The following LONRF1 variants were observed in gnomAD, a reference collection of about 807,000 sequenced individuals.
LONRF1 encodes LON peptidase N-terminal domain and RING finger protein 1.
LONRF1 carries 37 observed loss-of-function variants against 85.8 expected under a neutral mutation model. That is an observed-to-expected ratio of 0.43 (90% confidence interval 0.33 to 0.57). LONRF1 has a LOEUF of 0.57. Ranked by LOEUF, LONRF1 falls within the 20% of genes least tolerant of loss-of-function variation. The pLI is 0.04. For missense variants in LONRF1, 1,036 were observed against 978.0 expected (o/e 1.06, Z -0.79); for synonymous variants, 517 against 390.1 (o/e 1.33, Z -3.83).
At chr8:12,735,105 C>T (rs570975575) in intron 7 of LONRF1, among the ~76,000 whole-genome samples, 181 bp downstream of exon 7, 1 of 152,140 alleles carries the variant, frequency 6.6e-6, no homozygotes, top group Admixed American at 6.6e-5. Context: ...TTCTCCCCAT[C>T]CTCTTCAACC....
intron 1 of LONRF1, among the ~76,000 whole-genome samples, chr8:12,750,339 G>T (rs1319066905): frequency 6.6e-6 from 1 of 152,192 alleles, no homozygotes; most frequent in African/African-American, 2.4e-5. Context: ...ACCCAAGGGG[G>T]ATACGTTCCA....
chr8:12,741,491 C>T (rs753510399), intron 2 of LONRF1, among the ~76,000 whole-genome samples: 3 of 152,140 alleles, frequency 2.0e-5, no homozygotes, highest in African/African-American at 7.2e-5. Flanking sequence ...AACAGGGGAA[C>T]TGAGGCCCAG....
In LONRF1 at chr8:12,736,942, T is replaced by C. The variant is rs781391713; in HGVS notation, c.1312A>G (p.Ile438Val). Residue 438 changes from isoleucine (I) to valine (V), a missense_variant, in exon 5 of 12, where the codon ATT (isoleucine) becomes GTT (valine). By Grantham distance (29) the Ile-to-Val change is conservative. Coordinates refer to ENST00000398246, the MANE Select transcript of LONRF1 (RefSeq NM_152271.5). Reference sequence around the variant, plus strand: ...TTATTTCTTCCATCTTCATTTACAATCACATCCTGTTCTAAAAGAGACAAC... The same window carrying C: ...TTATTTCTTCCATCTTCATTTACAACCACATCCTGTTCTAAAAGAGACAAC... ...RKLSLLEQDVIVNEDGRNKLK... is the reference protein window; with the variant it reads ...RKLSLLEQDVVVNEDGRNKLK... 12 of 1,613,180 alleles carry C rather than the reference T, an allele frequency of 7.4e-6. No homozygotes were observed. In the East Asian group the frequency reaches 8.9e-5, roughly 12 times the overall value.
chr8:12,735,263 C>T, intron 7 of LONRF1, 23 bp downstream of exon 7: 2 of 1,492,058 alleles, frequency 1.3e-6, no homozygotes, highest in Non-Finnish European at 9.2e-7. Context: ...GACCAACAAA[C>T]AGACACATAT....
At position 12,728,989 on chromosome 8, in the gene LONRF1, G is replaced by A. The variant is rs1164085723; in HGVS notation, c.1922C>T (p.Thr641Ile). 1 of 1,613,912 alleles carries A rather than the reference G, an allele frequency of 6.2e-7. No individual in the cohort carries two copies. The highest frequency in any genetic ancestry group is 8.5e-7 in the Non-Finnish European group (1 of 1,179,882). ...FLPDGRSVVD[T>I]VGGKRFRVLK... ...AACCCTAAACCGCTTTCCTCCAACT[G>A]TATCAACCACAGACCTTCCGTCCGG... is the stretch of plus-strand genomic sequence containing the variant. The change falls in exon 10 of 12, where the codon ACA becomes ATA. Residue 641 changes from threonine to isoleucine, a missense_variant. Physicochemically the swap from Thr to Ile is moderately conservative, Grantham distance 89. Around this residue, in one of 3 missense-constraint regions of LONRF1, gnomAD observed 265 missense variants for 301.5 expected, o/e 0.88. Transcript: ENST00000398246.
intron 2 of LONRF1, 114 bp downstream of exon 2, chr8:12,743,050 A>G (rs558022238): frequency 1.4e-6 from 1 of 719,268 alleles, no homozygotes; most frequent in Non-Finnish European, 2.5e-6. Flanking sequence ...AGAGCACTAG[A>G]TATTTTATTT....
chr8:12,755,130 G>C lies in LONRF1; in HGVS notation c.291C>G (p.Tyr97Ter). Residue 97 changes from tyrosine to a stop codon, truncating the protein, a stop_gained, in exon 1 of 12, where the codon TAC (tyrosine) becomes TAG (stop). Transcript: ENST00000398246. LOFTEE classifies it high-confidence loss of function. ...GALVDCLVFNYRLRHGLGWSA... is the reference protein window; with the variant it reads ...GALVDCLVFN The stretch of plus-strand genomic sequence containing the variant: ...TCCAGCCCAGCCCGTGGCGGAGCCG[G>C]TAGTTGAACACCAGGCAGTCCACCA... The C allele has an allele frequency of 6.9e-7, 1 of 1,455,916 alleles. No individual in the cohort carries two copies. 90.2% of individuals were successfully genotyped at this position (1,455,916 alleles called of 1,614,324 possible).
chr8:12,723,520 TTCC>T (rs1323319278), intron 11 of LONRF1, among the ~76,000 whole-genome samples: 1 of 152,228 alleles, frequency 6.6e-6, no homozygotes, highest in East Asian at 1.9e-4. Flanking sequence ...CACACGCTCT[TTCC>T]TCCTATTACA....
intron 2 of LONRF1, among the ~76,000 whole-genome samples, chr8:12,741,860 A>T (rs1429203493): frequency 6.6e-6 from 1 of 152,320 alleles, no homozygotes; most frequent in East Asian, 1.9e-4. Context: ...AGCAAACTCT[A>T]TGACAAAAAT....
chr8:12,731,595 G>C (rs1159029940), intron 8 of LONRF1, 141 bp downstream of exon 8: 12 of 642,520 alleles, frequency 1.9e-5, no homozygotes, highest in Non-Finnish European at 3.1e-5. Flanking sequence ...ATAAGATTCT[G>C]TCTGTTGAGG....
At chr8:12,724,816 C>A (rs1207847201) in intron 11 of LONRF1, among the ~76,000 whole-genome samples, 2 of 152,160 alleles carry the variant, frequency 1.3e-5, no homozygotes, top group African/African-American at 4.8e-5. Flanking sequence ...ATATGCTAAA[C>A]AGAATGAATA....
At chr8:12,748,362 AT>A (rs1799248234) in intron 1 of LONRF1, among the ~76,000 whole-genome samples, 2 of 148,910 alleles carry the variant, frequency 1.3e-5, no homozygotes, top group Admixed American at 1.4e-4. Context: ...CACCTGGCTA[AT>A]TTTTAAATTT....
At chr8:12,743,072 T>C (rs956171629) in intron 2 of LONRF1, 92 bp downstream of exon 2, 48 of 810,224 alleles carry the variant, frequency 5.9e-5, no homozygotes, top group South Asian at 5.8e-4. Flanking sequence ...GAGTCAACCA[T>C]CTACTTTGTT....
rs751599426 is a variant in LONRF1, at chr8:12,736,932, T to A, written c.1322A>T (p.Glu441Val). The A allele has an allele frequency of 6.2e-7, 1 of 1,611,594 alleles. No homozygotes were observed. Among genetic ancestry groups the A allele is most frequent in the Non-Finnish European group, 8.5e-7 (1 of 1,179,090 alleles). ...TTTTTTCAGCTTATTTCTTCCATCTTCATTTACAATCACATCCTGTTCTAA... is the reference window on the plus strand; with the variant it reads ...TTTTTTCAGCTTATTTCTTCCATCTACATTTACAATCACATCCTGTTCTAA... ...SLLEQDVIVN[E>V]DGRNKLKKQG... is the part of the protein sequence containing the mutation. Residue 441 changes from glutamate to valine, a missense_variant, in exon 5 of 12, where the codon GAA becomes GTA. This residue lies in a region of LONRF1 where 742 missense variants were observed against 614.4 expected (regional missense o/e 1.21). Coordinates refer to ENST00000398246, the MANE Select transcript of LONRF1 (RefSeq NM_152271.5).
At chr8:12,749,086 A>C (rs1799277470) in intron 1 of LONRF1, among the ~76,000 whole-genome samples, 1 of 152,238 alleles carries the variant, frequency 6.6e-6, no homozygotes. Flanking sequence ...AAGATAATGC[A>C]TGTTAAACAG....
At chr8:12,729,436 G>A in intron 8 of LONRF1, 104 bp from the exon 9 acceptor site, 3 of 1,145,772 alleles carry the variant, frequency 2.6e-6, no homozygotes, top group Admixed American at 5.3e-5. Context: ...CTAATGTAAA[G>A]CAAAAAAAGA....
At chr8:12,732,986 T>C (rs932810239) in intron 7 of LONRF1, among the ~76,000 whole-genome samples, 8 of 151,854 alleles carry the variant, frequency 5.3e-5, no homozygotes, top group African/African-American at 9.7e-5. Flanking sequence ...ATGCGAGAGG[T>C]TGGGAAACTG....
intron 11 of LONRF1, among the ~76,000 whole-genome samples, chr8:12,724,844 C>G (rs956737671): frequency 5.3e-5 from 8 of 152,230 alleles, no homozygotes; most frequent in Middle Eastern, 3.4e-3. Flanking sequence ...TGGAGATGGC[C>G]TAATGTTGGT....
chr8:12,732,592 C>A (rs1457841053), intron 7 of LONRF1, among the ~76,000 whole-genome samples: 1 of 152,220 alleles, frequency 6.6e-6, no homozygotes, highest in Non-Finnish European at 1.5e-5. Flanking sequence ...CTCTCTCACT[C>A]CTGCTTATGC....
Sources: gnomAD v4.1 joint callset for allele counts (sites outside exome capture counted in the v4.1 genomes callset) on GRCh38, gnomAD v4.1.1 for gene constraint, gnomAD v4.1.1 regional missense constraint, MANE v1.5 for transcripts, NCBI Gene and HGNC (gene_info 2026-07-23, HGNC 2026-07-21) for gene names.